The following LIMS2 variants were observed in gnomAD, a reference collection of about 807,000 sequenced individuals.
LIMS2 encodes the protein LIM and senescent cell antigen-like-containing domain protein 2.
A neutral mutation model predicts 45.3 loss-of-function variants in LIMS2; 30 were observed. That is an observed-to-expected ratio of 0.66 (90% CI 0.50 to 0.90). LIMS2 has a LOEUF of 0.90. LIMS2 is among the 40% of genes least tolerant of loss of function. The probability of loss-of-function intolerance (pLI) is 0.00; values close to 1 mark genes in which losing one functional copy is unlikely to be tolerated. For missense variants in LIMS2, 485 were observed against 468.7 expected (o/e 1.03, Z -0.32); for synonymous variants, 173 against 188.0 (o/e 0.92, Z 0.65).
At chr2:127,663,778 C>G (rs912301768) in intron 1 of LIMS2, among the ~76,000 whole-genome samples, 6 of 152,176 alleles carry the variant, frequency 3.9e-5, no homozygotes, top group Non-Finnish European at 7.3e-5. Flanking sequence ...TTCAGGAGCT[C>G]CTCCTCATGC....
At chr2:127,668,733 T>TTTAC (rs2105338675) in intron 1 of LIMS2, among the ~76,000 whole-genome samples, 1 of 122,566 alleles carries the variant, frequency 8.2e-6, no homozygotes, top group African/African-American at 3.0e-5. Context: ...AAAATTACAA[T>TTTAC]TTACTTACTA....
upstream of LIMS2, among the ~76,000 whole-genome samples, chr2:127,680,318 T>C (rs755226987): frequency 2.0e-5 from 3 of 152,224 alleles, no homozygotes; most frequent in Non-Finnish European, 4.4e-5. Context: ...CTGGGCACGA[T>C]GGTGCATGCC....
chr2:127,675,160 T>G lies in LIMS2; in HGVS notation c.-136A>C. On this transcript the variant is annotated 5_prime_UTR_variant, in exon 1 of 10. Coordinates refer to ENST00000355119, the MANE Select transcript of LIMS2 (RefSeq NM_001161403.3). ...ACGCCCAAAAAAGGCCAAGAGCCGC[T>G]CCGCCCGCGAGAGGGGTGGGCGGGG... The G allele has an allele frequency of 4.6e-6, 2 of 436,768 alleles. No individual in the cohort carries two copies. Among genetic ancestry groups the G allele is most frequent in the Non-Finnish European group, 6.0e-6 (2 of 335,512 alleles). 27.1% of individuals were successfully genotyped at this position (436,768 alleles called of 1,614,324 possible).
chr2:127,650,786 G>C, intron 4 of LIMS2: 3 of 1,613,766 alleles, frequency 1.9e-6, no homozygotes, highest in Admixed American at 1.7e-5. Flanking sequence ...ACTTCTCCCT[G>C]GCCACGGCAG....
chr2:127,669,313 G>A (rs1278351906), intron 1 of LIMS2, among the ~76,000 whole-genome samples: 1 of 152,108 alleles, frequency 6.6e-6, no homozygotes, highest in Non-Finnish European at 1.5e-5. Context: ...AAAAACTCAA[G>A]CAACTAAAGA....
intron 1 of LIMS2, among the ~76,000 whole-genome samples, chr2:127,665,451 G>A (rs974584171): frequency 6.6e-6 from 1 of 152,160 alleles, no homozygotes; most frequent in Non-Finnish European, 1.5e-5. Context: ...AACAGGAGGA[G>A]GTACTCATTA....
Position 127,656,855 on chromosome 2 carries a change from C to G in LIMS2, c.171+548G>C, listed in dbSNP as rs563291883. 3.9e-5 allele frequency among the ~76,000 whole-genome samples: 6 copies of G among 152,308 alleles called. No homozygotes were observed. In the South Asian group the frequency reaches 1.2e-3, roughly 32 times the overall value. On this transcript the variant is annotated intron_variant, in intron 2 of 9. Coordinates refer to ENST00000355119, the MANE Select transcript of LIMS2 (RefSeq NM_001161403.3). ...GCGAGATCCACCTCCCTTTCCTCAG[C>G]TCCTGGCCTTCTCCCTCTCATGCCC... is the stretch of plus-strand genomic sequence containing the variant.
chr2:127,671,499 G>A lies in LIMS2; in HGVS notation c.11+3515C>T, dbSNP rs111370082. On this transcript the variant is annotated intron_variant, in intron 1 of 9. Transcript: ENST00000355119. This position sits in a 1 kb window ranked among gnomAD's most constrained non-coding sequence, Gnocchi z 4.1. ...GGGACAGACAGAAGAAGGATAACCC[G>A]CTGTGGATAGAAAGCCCGGGCTCCT... 0.028 allele frequency among the ~76,000 whole-genome samples: 4,229 copies of A among 151,802 alleles called. 210 individuals carry two copies. The highest frequency in any genetic ancestry group is 0.095 in the African/African-American group (3,935 of 41,364).
At chr2:127,665,950 A>G (rs971664474) in intron 1 of LIMS2, among the ~76,000 whole-genome samples, 2 of 152,234 alleles carry the variant, frequency 1.3e-5, no homozygotes, top group Admixed American at 1.3e-4. Context: ...GTACTAATCA[A>G]TTCAACAAAT....
At chr2:127,668,688 AAAAAAAAAAAAAAAAAAAAAAAAC>A (rs1685137009) in intron 1 of LIMS2, among the ~76,000 whole-genome samples, 4 of 131,460 alleles carry the variant, frequency 3.0e-5, no homozygotes, top group South Asian at 2.3e-4. Context: ...AAAAAAAAAA[AAAAAAAAAAAAAAAAAAAAAAAAC>A]ACCTTACTTA....
rs911779051 is a variant in LIMS2, at chr2:127,653,548, C to T, written c.359+876G>A. ...GCAGCCATGAGGGCCGGGCACGGAG[C>T]CCCAGACGACTCCCCATGGAGAGAC... On this transcript the variant is annotated intron_variant, in intron 4 of 9. Coordinates refer to ENST00000355119, the MANE Select transcript of LIMS2 (RefSeq NM_001161403.3). This position sits in a 1 kb window ranked among gnomAD's most constrained non-coding sequence, Gnocchi z 5.3. Among the ~76,000 whole-genome samples, 1 of 152,140 alleles carries T rather than the reference C, an allele frequency of 6.6e-6. No individual in the cohort carries two copies. Among genetic ancestry groups the T allele is most frequent in the Non-Finnish European group, 1.5e-5 (1 of 68,016 alleles).
intron 4 of LIMS2, among the ~76,000 whole-genome samples, chr2:127,648,539 T>C (rs1683245761): frequency 6.6e-6 from 1 of 152,198 alleles, no homozygotes; most frequent in East Asian, 1.9e-4. Context: ...GGCTGCTGTG[T>C]CCATGAACAG....
chr2:127,657,039 G>A (rs1428890673), intron 2 of LIMS2, among the ~76,000 whole-genome samples: 6 of 152,266 alleles, frequency 3.9e-5, no homozygotes, highest in African/African-American at 1.2e-4. Flanking sequence ...ACCCCACCCC[G>A]GGAACCCTGA....
chr2:127,639,999 G>A (rs1682240957), intron 9 of LIMS2, 71 bp downstream of exon 9: 2 of 1,478,842 alleles, frequency 1.4e-6, no homozygotes, highest in Admixed American at 1.7e-5. Context: ...TGTGCAGGAG[G>A]GCTGCTGAGA....
Position 127,639,346 on chromosome 2 carries a change from T to A in LIMS2, c.961A>T (p.Lys321Ter), listed in dbSNP as rs747083480. ...CGGGAGGTCAGCTCCGACAGCTTCT[T>A]CAGCCGCTTCTTCAGCTCCAGCGGG... Reference protein sequence around the residue: ...KFPLELKKRLKKLSELTSRKA... With the variant: ...KFPLELKKRL Residue 321 changes from lysine to a stop codon, truncating the protein, a stop_gained, in exon 10 of 10, where the codon AAG (lysine) becomes TAG (stop). Coordinates refer to ENST00000355119, the MANE Select transcript of LIMS2 (RefSeq NM_001161403.3). LOFTEE classifies it high-confidence loss of function. The A allele has an allele frequency of 6.2e-7, 1 of 1,613,972 alleles. No homozygotes were observed. Among genetic ancestry groups the A allele is most frequent in the Non-Finnish European group, 8.5e-7 (1 of 1,179,934 alleles).
chr2:127,653,155 G>C lies in LIMS2; in HGVS notation c.359+1269C>G, dbSNP rs190736220. Among the ~76,000 whole-genome samples, 34 of 152,326 alleles carry C rather than the reference G, an allele frequency of 2.2e-4. No individual in the cohort carries two copies. ...ACAGTGGGCCGGACGCCAGGCCCCA[G>C]GCCACGTGCCTCTCTCACGGGCAGC... On this transcript the variant is annotated intron_variant, in intron 4 of 9. Transcript: ENST00000355119. This position sits in a 1 kb window ranked among gnomAD's most constrained non-coding sequence, Gnocchi z 5.3.
chr2:127,680,949 A>ACCTGCCTCTC (rs1685599663), intron 1 of LIMS2, among the ~76,000 whole-genome samples: 1 of 151,908 alleles, frequency 6.6e-6, no homozygotes, highest in Admixed American at 6.6e-5. Flanking sequence ...CCTGCGGGGC[A>ACCTGCCTCTC]CCTGCCTCTC....
At chr2:127,649,089 AAG>A (rs1338926187) in intron 4 of LIMS2, among the ~76,000 whole-genome samples, 2 of 146,428 alleles carry the variant, frequency 1.4e-5, no homozygotes, top group African/African-American at 5.0e-5. Context: ...AAAAGAAAAA[AAG>A]AAAAAAGAAA....
At position 127,654,630 on chromosome 2, in the gene LIMS2, C is replaced by G; in HGVS notation, c.239-86G>C. On this transcript the variant is annotated intron_variant, in intron 3 of 9. Coordinates refer to ENST00000355119, the MANE Select transcript of LIMS2 (RefSeq NM_001161403.3). ...CCCAAGCCCTGTCCACCTAGCACTC[C>G]GCCTGCTCTCTGCCTGGCCCATGGG... 3.2e-6 allele frequency: 5 copies of G among 1,586,722 alleles called. No homozygotes were observed. The South Asian group carries it at 5.7e-5, about 18-fold the overall frequency.
Sources: gnomAD v4.1 joint callset for allele counts (sites outside exome capture counted in the v4.1 genomes callset) on GRCh38, gnomAD v4.1.1 for gene constraint, Gnocchi (gnomAD v3.1) non-coding constraint, MANE v1.5 for transcripts, NCBI Gene and HGNC (gene_info 2026-07-23, HGNC 2026-07-21) for gene names.